PTPRR: variants seen among roughly 807,000 people sequenced by gnomAD.
The protein encoded by PTPRR is protein tyrosine phosphatase receptor type R, also known as receptor-type tyrosine-protein phosphatase R.
In PTPRR, 38 loss-of-function variants were observed where a neutral mutation model predicts 77.2. The observed-to-expected ratio is 0.49, with a 90% confidence interval of 0.38 to 0.65. The LOEUF (loss-of-function observed/expected upper bound fraction) is 0.65, where lower values mean the gene tolerates loss of function less well. PTPRR is among the 30% of genes least tolerant of loss of function. PTPRR has a pLI of 0.00. For missense variants in PTPRR, 744 were observed against 799.2 expected (o/e 0.93, Z 0.83); for synonymous variants, 299 against 283.1 (o/e 1.06, Z -0.57).
intron 2 of PTPRR, among the ~76,000 whole-genome samples, chr12:70,877,147 C>T (rs1044444850): frequency 3.9e-5 from 6 of 152,150 alleles, no homozygotes; most frequent in Admixed American, 2.6e-4. Context: ...GATGAGGTAA[C>T]TAGAAATGGA....
At chr12:70,731,824 A>T (rs1889672821) in intron 6 of PTPRR, among the ~76,000 whole-genome samples, 2 of 152,374 alleles carry the variant, frequency 1.3e-5, no homozygotes, top group African/African-American at 4.8e-5. Flanking sequence ...GTAGGAAAAC[A>T]AAAACGAATA....
chr12:70,906,662 T>C (rs1334078894), intron 1 of PTPRR, among the ~76,000 whole-genome samples: 1 of 152,146 alleles, frequency 6.6e-6, no homozygotes, highest in Non-Finnish European at 1.5e-5. Context: ...ATTCAGTTTC[T>C]GTGCCTTAGT....
intron 2 of PTPRR, among the ~76,000 whole-genome samples, chr12:70,876,992 G>A (rs898732634): frequency 5.3e-5 from 8 of 152,152 alleles, no homozygotes; most frequent in African/African-American, 1.9e-4. Flanking sequence ...GTGGACCACG[G>A]TGACATGAAA....
At chr12:70,839,700 C>A (rs1272668007) in intron 2 of PTPRR, among the ~76,000 whole-genome samples, 1 of 152,110 alleles carries the variant, frequency 6.6e-6, no homozygotes, top group Non-Finnish European at 1.5e-5. Flanking sequence ...TCCAACAGAA[C>A]CTGGCTATTG....
chr12:70,691,859 T>C (rs889177930), intron 8 of PTPRR, among the ~76,000 whole-genome samples: 2 of 152,176 alleles, frequency 1.3e-5, no homozygotes, highest in Non-Finnish European at 2.9e-5. Context: ...TCTTGCTTTT[T>C]TCCAATCCAT....
At chr12:70,673,331 G>A (rs1343311514) in intron 10 of PTPRR, among the ~76,000 whole-genome samples, 1 of 152,166 alleles carries the variant, frequency 6.6e-6, no homozygotes, top group East Asian at 1.9e-4. Flanking sequence ...TTTTCTATAA[G>A]AGTGAACACA....
At chr12:70,824,661 T>C (rs2137044336) in intron 2 of PTPRR, among the ~76,000 whole-genome samples, 2 of 152,290 alleles carry the variant, frequency 1.3e-5, no homozygotes, top group South Asian at 4.1e-4. Context: ...TGTCTGGTGG[T>C]GTCAGCTGCT....
At chr12:70,912,621 C>A (rs1403622316) in intron 1 of PTPRR, among the ~76,000 whole-genome samples, 1 of 152,026 alleles carries the variant, frequency 6.6e-6, no homozygotes, top group African/African-American at 2.4e-5. Context: ...TTTTAATGGA[C>A]ATCAACATCT....
chr12:70,837,931 C>T (rs1892332781), intron 2 of PTPRR, among the ~76,000 whole-genome samples: 2 of 152,080 alleles, frequency 1.3e-5, no homozygotes, highest in Admixed American at 1.3e-4. Context: ...AGATACTTGT[C>T]ACTCTGAAGA....
At chr12:70,840,871 G>A (rs766372489) in intron 2 of PTPRR, among the ~76,000 whole-genome samples, 12 of 151,830 alleles carry the variant, frequency 7.9e-5, no homozygotes, top group Non-Finnish European at 7.4e-5. Flanking sequence ...TCACAACAGG[G>A]GCCAGGTTCA....
At chr12:70,880,364 G>A (rs577129313) in intron 2 of PTPRR, among the ~76,000 whole-genome samples, 1 of 152,204 alleles carries the variant, frequency 6.6e-6, no homozygotes, top group Admixed American at 6.5e-5. Flanking sequence ...CAGTTCTACT[G>A]ACTCCATAGT....
chr12:70,820,521 G>A (rs962384203), intron 2 of PTPRR, among the ~76,000 whole-genome samples: 2 of 152,288 alleles, frequency 1.3e-5, no homozygotes, highest in Admixed American at 6.5e-5. Flanking sequence ...TTTTAGTAGC[G>A]ACGGAGTTTC....
At chr12:70,769,798 G>A (rs1174811296) in intron 2 of PTPRR, among the ~76,000 whole-genome samples, 37 of 151,908 alleles carry the variant, frequency 2.4e-4, no homozygotes, top group Admixed American at 1.9e-3. Flanking sequence ...CATGGTACTG[G>A]TACCAAAACA....
In PTPRR at chr12:70,814,087, A is replaced by T. The variant is rs755223613; in HGVS notation, c.358-49309T>A. Among the ~76,000 whole-genome samples, 67 of 152,166 alleles carry T rather than the reference A, an allele frequency of 4.4e-4. 1 individual carries two copies. Among genetic ancestry groups the T allele is most frequent in the Non-Finnish European group, 9.1e-4 (62 of 68,036 alleles). ...ATTAACCGTAGATCAGTGTCCATAA[A>T]TTTTTTCTATAAAAGCTTATCTAAT... is the stretch of plus-strand genomic sequence containing the variant. On this transcript the variant is annotated intron_variant, in intron 2 of 13. Coordinates refer to ENST00000283228, the MANE Select transcript of PTPRR (RefSeq NM_002849.4).
At chr12:70,780,478 T>C (rs1891180733) in intron 2 of PTPRR, among the ~76,000 whole-genome samples, 1 of 152,128 alleles carries the variant, frequency 6.6e-6, no homozygotes, top group South Asian at 2.1e-4. Flanking sequence ...AAAAAAGAAA[T>C]AAGGATTATT....
At chr12:70,676,387 A>C (rs1887446850) in intron 10 of PTPRR, among the ~76,000 whole-genome samples, 1 of 151,836 alleles carries the variant, frequency 6.6e-6, no homozygotes, top group South Asian at 2.1e-4. Context: ...CCTGTGTCAA[A>C]TTTTTTATGC....
chr12:70,801,664 T>C (rs1891617289), intron 2 of PTPRR, among the ~76,000 whole-genome samples: 1 of 152,194 alleles, frequency 6.6e-6, no homozygotes, highest in Non-Finnish European at 1.5e-5. Context: ...CTATTGGTTC[T>C]CCTGGATCAC....
rs145555178 is a variant in PTPRR, at chr12:70,908,040, T to G, written c.58+12293A>C. On this transcript the variant is annotated intron_variant, in intron 1 of 13. Coordinates refer to ENST00000283228, the MANE Select transcript of PTPRR (RefSeq NM_002849.4). ...CATTGTTATACAAACAGCTAAAATA[T>G]AATTGTTTTCAAATAAAGATTAGAA... 3.3e-3 allele frequency among the ~76,000 whole-genome samples: 510 copies of G among 152,322 alleles called. 1 individual carries two copies. Among genetic ancestry groups the G allele is most frequent in the African/African-American group, 0.011 (468 of 41,566 alleles).
At chr12:70,654,421 T>C (rs1886503838) in intron 13 of PTPRR, among the ~76,000 whole-genome samples, 1 of 151,904 alleles carries the variant, frequency 6.6e-6, no homozygotes, top group Non-Finnish European at 1.5e-5. Context: ...CTACAAAAAA[T>C]ACAAAACTCA....
Sources: allele counts gnomAD v4.1 joint callset (sites outside exome capture counted in the v4.1 genomes callset), GRCh38; gene constraint gnomAD v4.1.1; transcripts MANE v1.5; gene names NCBI Gene and HGNC (gene_info 2026-07-23, HGNC 2026-07-21).